JPH1: variants seen among roughly 807,000 people sequenced by gnomAD.
JPH1 encodes the protein junctophilin-1.
A neutral mutation model predicts 53.6 loss-of-function variants in JPH1; 12 were observed. The observed-to-expected ratio is 0.22, with a 90% confidence interval of 0.14 to 0.36. The LOEUF is 0.36. Ranked by LOEUF, JPH1 falls within the 10% of genes least tolerant of loss-of-function variation. The probability of loss-of-function intolerance (pLI) is 1.00; values close to 1 mark genes in which losing one functional copy is unlikely to be tolerated. For missense variants in JPH1, 808 were observed against 905.5 expected (o/e 0.89, Z 1.38); for synonymous variants, 375 against 363.8 (o/e 1.03, Z -0.35).
chr8:74,275,091 T>A (rs1806809573), intron 2 of JPH1, among the ~76,000 whole-genome samples: 1 of 152,198 alleles, frequency 6.6e-6, no homozygotes, highest in African/African-American at 2.4e-5. Flanking sequence ...AATAACAGAC[T>A]GGGCTTTTGT....
chr8:74,300,373 T>G (rs1807641774), intron 2 of JPH1, among the ~76,000 whole-genome samples: 2 of 152,184 alleles, frequency 1.3e-5, no homozygotes, highest in African/African-American at 4.8e-5. Flanking sequence ...GTACATGCAT[T>G]TTCTCTAATT....
intron 1 of JPH1, among the ~76,000 whole-genome samples, chr8:74,319,987 T>A (rs1405269179): frequency 6.6e-6 from 1 of 152,228 alleles, no homozygotes; most frequent in East Asian, 1.9e-4. Flanking sequence ...GCAAATATTG[T>A]TAAATATTAA....
At chr8:74,267,330 G>A (rs1280201476) in intron 2 of JPH1, among the ~76,000 whole-genome samples, 13 of 152,186 alleles carry the variant, frequency 8.5e-5, no homozygotes, top group Non-Finnish European at 4.4e-5. Context: ...GAAACAAGAA[G>A]GTAAATGGAA....
At chr8:74,247,232 A>C (rs1358285987) in intron 3 of JPH1, among the ~76,000 whole-genome samples, 1 of 152,204 alleles carries the variant, frequency 6.6e-6, no homozygotes, top group African/African-American at 2.4e-5. Context: ...TGTGATGTTT[A>C]CATACTTTTC....
Position 74,236,982 on chromosome 8 carries a change from CG to C in JPH1, c.*68del. 2.6e-6 allele frequency: 1 copy of C among 391,216 alleles called. No homozygotes were observed. Among genetic ancestry groups the C allele is most frequent in the East Asian group, 4.6e-5 (1 of 21,686 alleles). 24.2% of individuals were successfully genotyped at this position (391,216 alleles called of 1,614,324 possible). A position where few individuals can be genotyped will look rare whatever the true frequency, so the allele number is the denominator to read the frequency against. Reference sequence around the variant, plus strand: ...TGGGGTGGGCCATTTAAAGGGCTGACGGCACCACTGCAGAGAACTGTGGGCT... The same window carrying C: ...TGGGGTGGGCCATTTAAAGGGCTGACGCACCACTGCAGAGAACTGTGGGCT... On this transcript the variant is annotated 3_prime_UTR_variant, in exon 6 of 6. Transcript: ENST00000342232.
chr8:74,280,916 T>A (rs918205524), intron 2 of JPH1, among the ~76,000 whole-genome samples: 3 of 152,194 alleles, frequency 2.0e-5, no homozygotes, highest in African/African-American at 4.8e-5. Flanking sequence ...AGGTTATTAT[T>A]CGCTCTAATT....
intron 3 of JPH1, among the ~76,000 whole-genome samples, chr8:74,251,000 G>C (rs1365343864): frequency 6.6e-6 from 1 of 152,210 alleles, no homozygotes; most frequent in African/African-American, 2.4e-5. Context: ...GGTGAACATG[G>C]AATCAGAACA....
chr8:74,304,790 ACT>A (rs940948183), intron 2 of JPH1, among the ~76,000 whole-genome samples: 2 of 152,174 alleles, frequency 1.3e-5, no homozygotes, highest in African/African-American at 4.8e-5. Context: ...AATTTCTGAC[ACT>A]CTATTGCATT....
intron 2 of JPH1, among the ~76,000 whole-genome samples, chr8:74,313,960 C>T (rs368080701): frequency 1.7e-4 from 26 of 152,330 alleles, no homozygotes; most frequent in Middle Eastern, 3.4e-3. Flanking sequence ...TTCCATCCCT[C>T]TTGCTGGATC....
At chr8:74,267,860 T>C (rs963353375) in intron 2 of JPH1, among the ~76,000 whole-genome samples, 1 of 152,008 alleles carries the variant, frequency 6.6e-6, no homozygotes. Context: ...AAGGTGACAA[T>C]TGCTGGAGTT....
At chr8:74,286,774 T>G (rs1773023616) in intron 2 of JPH1, among the ~76,000 whole-genome samples, 1 of 152,254 alleles carries the variant, frequency 6.6e-6, no homozygotes, top group Admixed American at 6.5e-5. Flanking sequence ...AAATTTTTAC[T>G]TGGTACAGTC....
At chr8:74,276,064 T>G (rs1453999172) in intron 2 of JPH1, among the ~76,000 whole-genome samples, 1 of 152,052 alleles carries the variant, frequency 6.6e-6, no homozygotes, top group Admixed American at 6.6e-5. Flanking sequence ...TTTAAATGAA[T>G]GAAAGGGTTA....
intron 2 of JPH1, among the ~76,000 whole-genome samples, chr8:74,280,798 C>T (rs1490893915): frequency 2.0e-5 from 3 of 152,172 alleles, no homozygotes; most frequent in African/African-American, 7.2e-5. Flanking sequence ...AAATAATACA[C>T]ACATATCATA....
At chr8:74,299,039 G>T (rs892645375) in intron 2 of JPH1, among the ~76,000 whole-genome samples, 1 of 152,194 alleles carries the variant, frequency 6.6e-6, no homozygotes, top group African/African-American at 2.4e-5. Context: ...GAACACTGGT[G>T]ACCTTTACTG....
intron 2 of JPH1, among the ~76,000 whole-genome samples, chr8:74,299,517 T>G (rs1230294569): frequency 6.6e-6 from 1 of 152,216 alleles, no homozygotes; most frequent in African/African-American, 2.4e-5. Flanking sequence ...GCCAATCAGC[T>G]GTTTCTGTAC....
chr8:74,253,899 T>C (rs1806142089), intron 3 of JPH1, among the ~76,000 whole-genome samples: 1 of 152,018 alleles, frequency 6.6e-6, no homozygotes, highest in Non-Finnish European at 1.5e-5. Flanking sequence ...AGGCAATAAT[T>C]AATAGCTTAC....
At chr8:74,318,899 A>G (rs574903693) in intron 1 of JPH1, among the ~76,000 whole-genome samples, 6 of 152,342 alleles carry the variant, frequency 3.9e-5, no homozygotes, top group African/African-American at 1.4e-4. Flanking sequence ...TTCTAATGAA[A>G]TAGTTACATA....
At chr8:74,266,845 A>C (rs1352426619) in intron 2 of JPH1, among the ~76,000 whole-genome samples, 2 of 152,156 alleles carry the variant, frequency 1.3e-5, no homozygotes, top group Non-Finnish European at 2.9e-5. Context: ...CATGCTAAGA[A>C]TCTAATAGAG....
rs542905614 is a variant in JPH1 at position 74,275,796 on chromosome 8, G to A, written c.1140-16293C>T. On this transcript the variant is annotated intron_variant, in intron 2 of 5. Transcript: ENST00000342232. ...TCATCAGTTTTTCTTCACAGAACAA[G>A]GATATGAGGCAGACACACTTCCCCA... Among the ~76,000 whole-genome samples, 4 of 152,218 alleles carry A rather than the reference G, an allele frequency of 2.6e-5. No individual in the cohort carries two copies. The East Asian group carries it at 5.8e-4, about 22-fold the overall frequency.
Sources: allele counts gnomAD v4.1 joint callset (sites outside exome capture counted in the v4.1 genomes callset), GRCh38; gene constraint gnomAD v4.1.1; transcripts MANE v1.5; gene names NCBI Gene and HGNC (gene_info 2026-07-23, HGNC 2026-07-21).